The following MEMO1 variants were observed in gnomAD, a reference collection of about 807,000 sequenced individuals.
MEMO1 encodes the protein mediator of cell motility 1.
A neutral mutation model predicts 45.2 loss-of-function variants in MEMO1; 6 were observed. The observed-to-expected ratio is 0.13, with a 90% CI of 0.07 to 0.26. The LOEUF is 0.26. MEMO1 is among the 10% of genes least tolerant of loss of function. MEMO1 has a pLI of 1.00. For missense variants in MEMO1, 184 were observed against 370.5 expected (o/e 0.50, Z 4.13); for synonymous variants, 78 against 124.3 (o/e 0.63, Z 2.48).
chr2:31,880,099 C>T (rs139131033), intron 8 of MEMO1, among the ~76,000 whole-genome samples: 165 of 152,298 alleles, frequency 1.1e-3, no homozygotes, highest in African/African-American at 3.6e-3. Flanking sequence ...CATTAAGTCA[C>T]GGACTATGTT....
intron 2 of MEMO1, among the ~76,000 whole-genome samples, chr2:31,956,538 G>A (rs1386020058): frequency 1.3e-5 from 2 of 152,188 alleles, no homozygotes; most frequent in Non-Finnish European, 2.9e-5. Context: ...ATGACACCAT[G>A]TAAAATGTGG....
intron 2 of MEMO1, among the ~76,000 whole-genome samples, chr2:31,964,502 G>A (rs967796301): frequency 5.3e-5 from 8 of 152,112 alleles, no homozygotes; most frequent in Admixed American, 4.6e-4. Context: ...TTCGAGATCA[G>A]CCTGACCAAC....
chr2:31,964,560 G>T (rs1175376564), intron 2 of MEMO1, among the ~76,000 whole-genome samples: 7 of 152,010 alleles, frequency 4.6e-5, no homozygotes, highest in Non-Finnish European at 7.4e-5. Context: ...AATTAGCCAG[G>T]TGTGGTGGCG....
intron 6 of MEMO1, among the ~76,000 whole-genome samples, chr2:31,909,474 T>A (rs1269849830): frequency 6.6e-6 from 1 of 151,684 alleles, no homozygotes; most frequent in Non-Finnish European, 1.5e-5. Flanking sequence ...GCAATCAAAC[T>A]GAAAAAGAAA....
intron 2 of MEMO1, among the ~76,000 whole-genome samples, chr2:31,968,997 T>C (rs1237716353): frequency 1.3e-5 from 2 of 152,018 alleles, no homozygotes; most frequent in African/African-American, 2.4e-5. Context: ...ACCAAACAAG[T>C]AGGTAAGTAG....
At chr2:31,882,924 T>C (rs34540872) in intron 8 of MEMO1, among the ~76,000 whole-genome samples, 13,451 of 152,092 alleles carry the variant, frequency 0.088, 680 homozygotes, top group Middle Eastern at 0.19. Context: ...CTATCAAAAC[T>C]AAAAATATAC....
intron 2 of MEMO1, among the ~76,000 whole-genome samples, chr2:31,957,174 T>C (rs772592637): frequency 2.8e-4 from 43 of 151,118 alleles, no homozygotes; most frequent in Non-Finnish European, 5.5e-4. Context: ...TGTGTAACAG[T>C]TACTGCATCC....
intron 2 of MEMO1, among the ~76,000 whole-genome samples, chr2:31,945,560 G>T (rs553521726): frequency 3.9e-5 from 6 of 152,224 alleles, no homozygotes; most frequent in African/African-American, 1.4e-4. Flanking sequence ...TTCAAAACCT[G>T]GTAAATTCTT....
chr2:31,877,381 G>A (rs946534548), intron 8 of MEMO1, among the ~76,000 whole-genome samples: 6 of 152,174 alleles, frequency 3.9e-5, no homozygotes, highest in Admixed American at 3.9e-4. Flanking sequence ...ATGCTATTGG[G>A]ACTCAGTGGG....
chr2:31,965,424 C>A (rs1668505910), intron 2 of MEMO1, among the ~76,000 whole-genome samples: 1 of 151,710 alleles, frequency 6.6e-6, no homozygotes, highest in Admixed American at 6.6e-5. Context: ...AACAAGTCAG[C>A]CATAGGATAA....
chr2:31,894,818 A>T (rs2148005298), intron 6 of MEMO1, among the ~76,000 whole-genome samples: 1 of 152,330 alleles, frequency 6.6e-6, no homozygotes, highest in South Asian at 2.1e-4. Flanking sequence ...TCTTTTAATG[A>T]GAAATGGGGT....
chr2:31,946,195 ATT>A (rs1666176578), intron 2 of MEMO1, among the ~76,000 whole-genome samples: 1 of 152,130 alleles, frequency 6.6e-6, no homozygotes, highest in East Asian at 1.9e-4. Context: ...AATATTTGAT[ATT>A]GTCAGAATTT....
intron 3 of MEMO1, among the ~76,000 whole-genome samples, chr2:31,933,352 T>TAAAAAAAAA (rs1558514359): frequency 4.1e-4 from 5 of 12,216 alleles, no homozygotes; most frequent in Non-Finnish European, 5.4e-4. Context: ...AAAAAAAATT[T>TAAAAAAAAA]ATATATATAT....
intron 2 of MEMO1, among the ~76,000 whole-genome samples, chr2:32,009,463 C>A: frequency 6.6e-6 from 1 of 152,160 alleles, no homozygotes. Context: ...CAGATCTCCC[C>A]ATGCAGAGAC....
chr2:31,877,250 G>A (rs1054779018), intron 8 of MEMO1, among the ~76,000 whole-genome samples: 1 of 152,210 alleles, frequency 6.6e-6, no homozygotes, highest in Non-Finnish European at 1.5e-5. Flanking sequence ...AAATGAGTAA[G>A]TCATGCAGTA....
intron 2 of MEMO1, among the ~76,000 whole-genome samples, chr2:31,969,939 G>A (rs1669182938): frequency 6.6e-6 from 1 of 151,342 alleles, no homozygotes; most frequent in African/African-American, 2.4e-5. Context: ...AATTACTTTT[G>A]TAATAAATAT....
chr2:31,900,179 G>A (rs1572615750), intron 6 of MEMO1, among the ~76,000 whole-genome samples: 1 of 152,058 alleles, frequency 6.6e-6, no homozygotes, highest in Non-Finnish European at 1.5e-5. Context: ...CCCATTACTG[G>A]GTATATACCC....
chr2:31,923,773 TAAC>T, intron 4 of MEMO1: 1 of 1,512,392 alleles, frequency 6.6e-7, no homozygotes, highest in Non-Finnish European at 8.8e-7. Flanking sequence ...ATTTTTAAAA[TAAC>T]AATCTAAATT....
At chr2:31,950,240 G>C (rs1412570570) in intron 2 of MEMO1, among the ~76,000 whole-genome samples, 1 of 151,508 alleles carries the variant, frequency 6.6e-6, no homozygotes, top group African/African-American at 2.4e-5. Flanking sequence ...AAGCAGCTGA[G>C]CATGATGACA....
Sources: allele counts gnomAD v4.1 joint callset (sites outside exome capture counted in the v4.1 genomes callset), GRCh38; gene constraint gnomAD v4.1.1; transcripts MANE v1.5; gene names NCBI Gene and HGNC (gene_info 2026-07-23, HGNC 2026-07-21).